GAGE1: variants seen among roughly 807,000 people sequenced by gnomAD.
GAGE1 encodes the protein G antigen 4.
In GAGE1, 5 loss-of-function variants were observed where a neutral mutation model predicts 5.0. That is an observed-to-expected ratio of 1.00 (90% confidence interval 0.52 to 2.11). The LOEUF is 2.11. GAGE1 is among the 30% of genes most tolerant of loss of function. The probability of loss-of-function intolerance (pLI) is 0.01; values close to 1 mark genes in which losing one functional copy is unlikely to be tolerated. For synonymous variants in GAGE1, 6 were observed against 14.8 expected, an observed-to-expected ratio of 0.40 and a Z score of 1.37; for missense variants, 9 against 38.9, an observed-to-expected ratio of 0.23 and a Z score of 2.04.
Position 49,607,308 on chromosome X carries a change from T to G in GAGE1, c.*1293T>G, listed in dbSNP as rs2066664684. ...ACCAACAATTTGGTCATGGGTAATC[T>G]ATGTCCTAATAATTTATTTAAGGAT... is the stretch of plus-strand genomic sequence containing the variant. On this transcript the variant is annotated 3_prime_UTR_variant, in exon 5 of 5. Transcript: ENST00000381700. 1 of 112,240 alleles carries G rather than the reference T, an allele frequency of 8.9e-6. No homozygotes were observed. Among genetic ancestry groups the G allele is most frequent in the Non-Finnish European group, 1.9e-5 (1 of 53,289 alleles). 9.2% of individuals were successfully genotyped at this position (112,240 alleles called of 1,213,427 possible).
At chrX:49,605,691 A>G (rs782377272) in intron 4 of GAGE1, among the ~76,000 whole-genome samples, 1 of 111,238 alleles carries the variant, frequency 9.0e-6, no homozygotes, top group East Asian at 2.8e-4. Flanking sequence ...CGGGTGGATC[A>G]TGAGGTCAGG....
chrX:49,604,586 A>T (rs2066640429), intron 4 of GAGE1, among the ~76,000 whole-genome samples: 1 of 111,970 alleles, frequency 8.9e-6, no homozygotes, highest in Non-Finnish European at 1.9e-5. Flanking sequence ...TCATACTCTG[A>T]TCCTGTTGCA....
chrX:49,606,103 C>T lies in GAGE1; in HGVS notation c.*88C>T. 1 of 538,767 alleles carries T rather than the reference C, an allele frequency of 1.9e-6. No individual in the cohort carries two copies. Among genetic ancestry groups the T allele is most frequent in the Non-Finnish European group, 2.8e-6 (1 of 360,229 alleles). The allele number at this position is 538,767 out of a possible 1,213,427, so 44.4% of individuals were successfully genotyped here. A position where few individuals can be genotyped will look rare whatever the true frequency, so the allele number is the denominator to read the frequency against. On this transcript the variant is annotated 3_prime_UTR_variant, in exon 5 of 5. Transcript: ENST00000381700. ...CCCAATAAAGCTTTACAGCCTTCTG[C>T]AAAGAAGTCTTGTGAATCTTTTGTC...
At chrX:49,604,344 T>G (rs534368790) in intron 4 of GAGE1, among the ~76,000 whole-genome samples, 1 of 112,416 alleles carries the variant, frequency 8.9e-6, no homozygotes, top group Non-Finnish European at 1.9e-5. Flanking sequence ...CAGTAGCTCA[T>G]AATTTTCAAA....
At chrX:49,602,665 A>T (rs4824774) in intron 3 of GAGE1, among the ~76,000 whole-genome samples, 8 of 91,952 alleles carry the variant, frequency 8.7e-5, no homozygotes, top group African/African-American at 2.8e-4. Context: ...TATGTACTTG[A>T]GGGTGTGTTT....
intron 3 of GAGE1, among the ~76,000 whole-genome samples, chrX:49,602,513 A>T (rs61165675): frequency 1.3e-5 from 1 of 74,447 alleles, no homozygotes; most frequent in African/African-American, 3.6e-5. Flanking sequence ...TTCGCTTCAT[A>T]GGTTTCACAT....
chrX:49,605,608 C>T (rs1190231678), intron 4 of GAGE1, among the ~76,000 whole-genome samples: 9 of 111,679 alleles, frequency 8.1e-5, no homozygotes, highest in Non-Finnish European at 1.3e-4. Flanking sequence ...GCCTTTAGGG[C>T]CATCTAAATA....
chrX:49,604,241 G>T (rs1315725877), intron 4 of GAGE1, among the ~76,000 whole-genome samples: 1 of 112,583 alleles, frequency 8.9e-6, no homozygotes, highest in Non-Finnish European at 1.9e-5. Flanking sequence ...ATGTAGTTCA[G>T]GCCCCAGCAC....
chrX:49,605,559 G>T (rs1255550141), intron 4 of GAGE1, among the ~76,000 whole-genome samples: 2 of 111,844 alleles, frequency 1.8e-5, no homozygotes, highest in African/African-American at 6.5e-5. Context: ...TCTGTTTTTA[G>T]TCCATTTAAT....
chrX:49,605,305 T>G (rs1156735338), intron 4 of GAGE1, among the ~76,000 whole-genome samples: 1 of 112,132 alleles, frequency 8.9e-6, no homozygotes, highest in Non-Finnish European at 1.9e-5. Context: ...AATTTCAGCT[T>G]TAGAGACATG....
intron 3 of GAGE1, among the ~76,000 whole-genome samples, chrX:49,602,667 G>A (rs1290391763): frequency 1.1e-5 from 1 of 92,029 alleles, no homozygotes; most frequent in Non-Finnish European, 2.4e-5. Context: ...TGTACTTGAG[G>A]GTGTGTTTAT....
chrX:49,604,556 C>T (rs782747839), intron 4 of GAGE1, among the ~76,000 whole-genome samples: 2 of 111,950 alleles, frequency 1.8e-5, no homozygotes, highest in East Asian at 2.8e-4. Context: ...ATTTTAAAAC[C>T]ATTTTCCATT....
intron 4 of GAGE1, chrX:49,604,975 A>G: frequency 2.3e-6 from 2 of 878,001 alleles, no homozygotes; most frequent in Non-Finnish European, 3.1e-6. Context: ...ACCTGAGTAA[A>G]ATTTTTTTTT....
rs1025156111 is a variant in GAGE1, at chrX:49,607,361, T to C, written c.*1346T>C. On this transcript the variant is annotated 3_prime_UTR_variant, in exon 5 of 5. Coordinates refer to ENST00000381700, the MANE Select transcript of GAGE1 (RefSeq NM_001040663.4). The stretch of plus-strand genomic sequence containing the variant: ...TTATGTATATCCTCATGAGTGACAT[T>C]ACCTGTACTTTTATTTCATATGCTC... 1 of 112,052 alleles carries C rather than the reference T, an allele frequency of 8.9e-6. No individual in the cohort carries two copies. Among genetic ancestry groups the C allele is most frequent in the Non-Finnish European group, 1.9e-5 (1 of 53,269 alleles). The allele number at this position is 112,052 out of a possible 1,213,427, so 9.2% of individuals were successfully genotyped here. A position where few individuals can be genotyped will look rare whatever the true frequency, so the allele number is the denominator to read the frequency against.
At chrX:49,605,876 C>G (rs1313484548) in intron 4 of GAGE1, 117 bp from the exon 5 acceptor site, 4 of 446,583 alleles carry the variant, frequency 9.0e-6, no homozygotes, top group Non-Finnish European at 1.2e-5. Flanking sequence ...CCACTGTACT[C>G]CAGCCTGGGC....
At chrX:49,605,519 TG>T (rs1557132049) in intron 4 of GAGE1, among the ~76,000 whole-genome samples, 1 of 112,256 alleles carries the variant, frequency 8.9e-6, no homozygotes, top group African/African-American at 3.2e-5. Context: ...GAGATTCAAT[TG>T]GATATACGAC....
At chrX:49,604,146 C>G (rs191457639) in intron 4 of GAGE1, among the ~76,000 whole-genome samples, 1 of 112,685 alleles carries the variant, frequency 8.9e-6, no homozygotes, top group Non-Finnish European at 1.9e-5. Context: ...AGCCACTGTG[C>G]CAGACCCAGC....
chrX:49,607,071 A>C lies in GAGE1; in HGVS notation c.*1056A>C, dbSNP rs2066663441. 1 of 111,620 alleles carries C rather than the reference A, an allele frequency of 9.0e-6. No individual in the cohort carries two copies. 9.2% of individuals were successfully genotyped at this position (111,620 alleles called of 1,213,427 possible). ...ACTGCAACCTCAACCTCCTGGGCTC[A>C]GGCGATCCTCCCACCTCACCCTCCT... On this transcript the variant is annotated 3_prime_UTR_variant, in exon 5 of 5. Transcript: ENST00000381700.
chrX:49,604,827 C>T (rs1364879892), intron 4 of GAGE1, among the ~76,000 whole-genome samples: 3 of 111,561 alleles, frequency 2.7e-5, no homozygotes, highest in Non-Finnish European at 5.7e-5. Context: ...TGTTTGTTTG[C>T]GACGGAGTCT....
Sources: allele counts gnomAD v4.1 joint callset (sites outside exome capture counted in the v4.1 genomes callset), GRCh38; gene constraint gnomAD v4.1.1; transcripts MANE v1.5; gene names NCBI Gene and HGNC (gene_info 2026-07-23, HGNC 2026-07-21).